Variants in C1orf105 observed in about 807,000 individuals in gnomAD.
C1orf105 encodes the protein chromosome 1 open reading frame 105.
C1orf105 carries 17 observed loss-of-function variants against 20.8 expected under a neutral mutation model. The ratio of observed to expected loss-of-function variants is 0.82; its 90% confidence interval spans 0.56 to 1.23. The LOEUF (loss-of-function observed/expected upper bound fraction) is 1.23, where lower values mean the gene tolerates loss of function less well. Among genes scored for constraint, C1orf105 ranks in the 50% most tolerant of loss-of-function variants. C1orf105 has a pLI of 0.00. For missense variants in C1orf105, 219 were observed against 213.5 expected (o/e 1.03, Z -0.16); for synonymous variants, 72 against 72.1 (o/e 1.00, Z 0.01).
intron 3 of C1orf105, among the ~76,000 whole-genome samples, chr1:172,449,779 T>A (rs778143206): frequency 1.3e-5 from 2 of 152,086 alleles, no homozygotes; most frequent in Non-Finnish European, 2.9e-5. Flanking sequence ...TGACGTGCAC[T>A]GGGTAGAGGT....
At position 172,430,068 on chromosome 1, in the gene C1orf105, G is replaced by A. The variant is rs148025467; in HGVS notation, c.21+9162G>A. On this transcript the variant is annotated intron_variant, in intron 1 of 6. Coordinates refer to ENST00000367727, the MANE Select transcript of C1orf105 (RefSeq NM_139240.4). Reference sequence around the variant, plus strand: ...CAGCTTCTTATGCTGGCAAATATTTGGCAGGTTGGGATTTAATTCCAATGC... The same window carrying A: ...CAGCTTCTTATGCTGGCAAATATTTAGCAGGTTGGGATTTAATTCCAATGC... Among the ~76,000 whole-genome samples, 458 of 152,254 alleles carry A rather than the reference G, an allele frequency of 3.0e-3. 4 individuals carry two copies. The highest frequency in any genetic ancestry group is 0.01 in the African/African-American group (428 of 41,532).
intron 1 of C1orf105, chr1:172,442,546 T>A (rs756248499): frequency 7.4e-6 from 12 of 1,614,198 alleles, no homozygotes; most frequent in African/African-American, 1.3e-5. Context: ...CACATAGTTA[T>A]CAGGAAAGGG....
At chr1:172,434,375 T>C (rs966610205) in intron 1 of C1orf105, among the ~76,000 whole-genome samples, 1 of 152,162 alleles carries the variant, frequency 6.6e-6, no homozygotes, top group African/African-American at 2.4e-5. Flanking sequence ...TCAGCAAATG[T>C]AAAAGAACAG....
At chr1:172,451,990 A>G (rs1648703479) in intron 3 of C1orf105, among the ~76,000 whole-genome samples, 1 of 146,600 alleles carries the variant, frequency 6.8e-6, no homozygotes. Flanking sequence ...CTCCTGCCTC[A>G]GCCTCCTGAG....
intron 3 of C1orf105, chr1:172,453,141 T>C: frequency 2.6e-6 from 4 of 1,550,948 alleles, no homozygotes; most frequent in Non-Finnish European, 3.5e-6. Context: ...CAGATAGAAA[T>C]GGAGCAGCTC....
chr1:172,428,572 G>A (rs1431865653), intron 1 of C1orf105, among the ~76,000 whole-genome samples: 1 of 152,010 alleles, frequency 6.6e-6, no homozygotes, highest in African/African-American at 2.4e-5. Flanking sequence ...TGACTGGGAT[G>A]CTCTTCCCCA....
chr1:172,440,996 A>C (rs1419585794), intron 1 of C1orf105, among the ~76,000 whole-genome samples: 1 of 152,208 alleles, frequency 6.6e-6, no homozygotes, highest in Non-Finnish European at 1.5e-5. Context: ...TGGCTTCTAA[A>C]GGCCTTCACC....
intron 3 of C1orf105, among the ~76,000 whole-genome samples, chr1:172,449,317 C>T (rs555610287): frequency 1.3e-5 from 2 of 152,276 alleles, no homozygotes; most frequent in South Asian, 4.1e-4. Context: ...AGGGACACAA[C>T]TGAGAATGCG....
chr1:172,456,082 G>A (rs1270119257), intron 3 of C1orf105, among the ~76,000 whole-genome samples: 1 of 152,060 alleles, frequency 6.6e-6, no homozygotes, highest in Non-Finnish European at 1.5e-5. Context: ...TCAGACACAG[G>A]TGCTCAGGCT....
At chr1:172,464,488 C>A (rs563887845) in intron 5 of C1orf105, among the ~76,000 whole-genome samples, 15 of 152,256 alleles carry the variant, frequency 9.9e-5, no homozygotes, top group Non-Finnish European at 2.2e-4. Flanking sequence ...GAGGTTTTGG[C>A]TTATATGCAT....
chr1:172,448,929 C>T (rs938068713), intron 3 of C1orf105, among the ~76,000 whole-genome samples: 1 of 152,168 alleles, frequency 6.6e-6, no homozygotes, highest in African/African-American at 2.4e-5. Context: ...TTAAAAACTC[C>T]TCATTTCCCC....
chr1:172,431,379 C>T (rs570509111), intron 1 of C1orf105: 7 of 293,182 alleles, frequency 2.4e-5, no homozygotes, highest in Non-Finnish European at 3.7e-5. Flanking sequence ...CCAGTCACAA[C>T]ATTCCCTTTA....
intron 1 of C1orf105, among the ~76,000 whole-genome samples, chr1:172,436,294 A>G (rs2072038762): frequency 6.6e-6 from 1 of 152,256 alleles, no homozygotes. Flanking sequence ...GACAATCCTA[A>G]GTAAAAAGAA....
chr1:172,430,037 G>C (rs1208275078), intron 1 of C1orf105, among the ~76,000 whole-genome samples: 2 of 152,172 alleles, frequency 1.3e-5, no homozygotes, highest in African/African-American at 2.4e-5. Context: ...GAGGGAGAAG[G>C]GCAGACAGCT....
rs1322871048 is a variant in C1orf105 at position 172,434,629 on chromosome 1, T to C, written c.22-10444T>C. 2.0e-5 allele frequency among the ~76,000 whole-genome samples: 3 copies of C among 152,184 alleles called. No individual in the cohort carries two copies. The East Asian group carries it at 5.8e-4, about 29-fold the overall frequency. ...GTGTGTAGAGGGAAATTTATAGCAC[T>C]AAATGCCCACAAGAAAAGCAGGAAA... is the stretch of plus-strand genomic sequence containing the variant. On this transcript the variant is annotated intron_variant, in intron 1 of 6. Transcript: ENST00000367727.
At chr1:172,453,700 C>T (rs931030303) in intron 3 of C1orf105, among the ~76,000 whole-genome samples, 6 of 152,010 alleles carry the variant, frequency 3.9e-5, no homozygotes, top group Non-Finnish European at 7.4e-5. Flanking sequence ...ACTCTCAGCC[C>T]GGTGGAGGAA....
intron 4 of C1orf105, among the ~76,000 whole-genome samples, chr1:172,459,834 G>C (rs752967105): frequency 6.6e-6 from 1 of 152,060 alleles, no homozygotes; most frequent in African/African-American, 2.4e-5. Flanking sequence ...TAAACAAAAC[G>C]TTGTCTATCT....
chr1:172,455,003 C>A (rs1321961985), intron 3 of C1orf105, among the ~76,000 whole-genome samples: 1 of 152,128 alleles, frequency 6.6e-6, no homozygotes, highest in Non-Finnish European at 1.5e-5. Flanking sequence ...GTATGACCCC[C>A]GTCACAGCAC....
At chr1:172,455,192 C>T (rs1050700078) in intron 3 of C1orf105, among the ~76,000 whole-genome samples, 1 of 152,164 alleles carries the variant, frequency 6.6e-6, no homozygotes, top group East Asian at 1.9e-4. Context: ...ACTTTGTTAA[C>T]AGTTTTTAGC....
Sources: gnomAD v4.1 joint callset for allele counts (sites outside exome capture counted in the v4.1 genomes callset) on GRCh38, gnomAD v4.1.1 for gene constraint, MANE v1.5 for transcripts, NCBI Gene and HGNC (gene_info 2026-07-23, HGNC 2026-07-21) for gene names.